Variants in PDE7B observed in about 807,000 individuals in gnomAD.
The protein encoded by PDE7B is phosphodiesterase 7B.
In PDE7B, 29 loss-of-function variants were observed where a neutral mutation model predicts 56.2. That is an observed-to-expected ratio of 0.52 (90% confidence interval 0.38 to 0.70). PDE7B has a LOEUF of 0.70. Ranked by LOEUF, PDE7B falls within the 30% of genes least tolerant of loss-of-function variation. The pLI is 0.00. For missense variants in PDE7B, 490 were observed against 565.0 expected, an observed-to-expected ratio of 0.87 and a Z score of 1.35; for synonymous variants, 197 against 196.9, an observed-to-expected ratio of 1.00 and a Z score of 0.00.
chr6:135,935,053 A>G (rs1357284453), intron 1 of PDE7B, among the ~76,000 whole-genome samples: 1 of 44,902 alleles, frequency 2.2e-5, no homozygotes, highest in Non-Finnish European at 3.6e-5. Context: ...TATTTTATAT[A>G]GAGATGAAGT....
intron 2 of PDE7B, among the ~76,000 whole-genome samples, chr6:135,970,636 G>T (rs1017361228): frequency 1.3e-5 from 2 of 152,172 alleles, no homozygotes; most frequent in South Asian, 2.1e-4. Context: ...CCATAATGGA[G>T]AGTTTAGATT....
chr6:136,147,621 A>C, intron 4 of PDE7B, 119 bp downstream of exon 4: 1 of 692,146 alleles, frequency 1.4e-6, no homozygotes, highest in Non-Finnish European at 2.5e-6. Flanking sequence ...CCCTGAGCTC[A>C]TTATTCCATA....
chr6:135,942,474 C>A (rs551783817), intron 1 of PDE7B, among the ~76,000 whole-genome samples: 49 of 152,252 alleles, frequency 3.2e-4, no homozygotes, highest in African/African-American at 1.2e-3. Flanking sequence ...CCTTACCTCA[C>A]ATACTTAATG....
At chr6:135,963,063 T>A (rs1242412285) in intron 2 of PDE7B, among the ~76,000 whole-genome samples, 1 of 152,154 alleles carries the variant, frequency 6.6e-6, no homozygotes, top group Non-Finnish European at 1.5e-5. Flanking sequence ...TATCAAGTAA[T>A]GTGGAACAAA....
chr6:136,099,624 T>G (rs192371443), intron 2 of PDE7B, among the ~76,000 whole-genome samples: 153 of 151,772 alleles, frequency 1.0e-3, no homozygotes, highest in Middle Eastern at 3.4e-3. Context: ...GATGGGGTTG[T>G]TTTTTTTCTT....
chr6:136,128,593 G>A (rs890845067), intron 3 of PDE7B, among the ~76,000 whole-genome samples: 2 of 152,128 alleles, frequency 1.3e-5, no homozygotes, highest in East Asian at 1.9e-4. Flanking sequence ...AGTGGATTAA[G>A]TTTTCCTTTG....
rs570461812 is a variant in PDE7B at position 136,147,976 on chromosome 6, A to C, written c.318+474A>C. On this transcript the variant is annotated intron_variant, in intron 4 of 12. Transcript: ENST00000308191. ...TCATAATTTTTAATTCATTTGAATAAATTTTAATAACTCTACAATTACTTT... is the reference window on the plus strand; with the variant it reads ...TCATAATTTTTAATTCATTTGAATACATTTTAATAACTCTACAATTACTTT... 8.5e-5 allele frequency among the ~76,000 whole-genome samples: 13 copies of C among 152,300 alleles called. No individual in the cohort carries two copies. In the East Asian group the frequency reaches 2.1e-3, roughly 25 times the overall value.
chr6:136,100,903 T>C (rs746586600), intron 2 of PDE7B, among the ~76,000 whole-genome samples: 36 of 152,230 alleles, frequency 2.4e-4, no homozygotes, highest in Non-Finnish European at 2.1e-4. Context: ...GGCTGAGGGA[T>C]TGTCATAAAC....
chr6:135,916,392 C>CTTTTTTTTTTTTTTTTTTTTTTTTT (rs566408380), intron 1 of PDE7B, among the ~76,000 whole-genome samples: 4 of 96,346 alleles, frequency 4.2e-5, no homozygotes, highest in Admixed American at 1.3e-4. Context: ...TCTTTTCTTT[C>CTTTTTTTTTTTTTTTTTTTTTTTTT]TTTTTTTTTT....
At position 136,168,584 on chromosome 6, in the gene PDE7B, G is replaced by A. The variant is rs73777456; in HGVS notation, c.712-5213G>A. Reference sequence around the variant, plus strand: ...GGTCACATTCTGGCAGCTGTAAGGAGGATGACTTGAAGAAAAACAATGAAA... The same window carrying A: ...GGTCACATTCTGGCAGCTGTAAGGAAGATGACTTGAAGAAAAACAATGAAA... On this transcript the variant is annotated intron_variant, in intron 8 of 12. Coordinates refer to ENST00000308191, the MANE Select transcript of PDE7B (RefSeq NM_018945.4). 5.8e-4 allele frequency among the ~76,000 whole-genome samples: 88 copies of A among 152,268 alleles called. 2 individuals are homozygous for A. The highest frequency in any genetic ancestry group is 1.9e-3 in the African/African-American group (78 of 41,562).
At chr6:135,883,541 A>G (rs1391963072) in intron 1 of PDE7B, among the ~76,000 whole-genome samples, 1 of 152,206 alleles carries the variant, frequency 6.6e-6, no homozygotes, top group Non-Finnish European at 1.5e-5. Flanking sequence ...TGAGTCTGCA[A>G]TAGACGGTGC....
intron 1 of PDE7B, among the ~76,000 whole-genome samples, chr6:135,892,892 T>A (rs1775833308): frequency 6.6e-6 from 1 of 152,200 alleles, no homozygotes; most frequent in African/African-American, 2.4e-5. Flanking sequence ...ATATGCTTTG[T>A]TTCCATGTTC....
chr6:135,854,042 T>TCACTGTCA, intron 1 of PDE7B, among the ~76,000 whole-genome samples: 1 of 152,208 alleles, frequency 6.6e-6, no homozygotes, highest in Non-Finnish European at 1.5e-5. Flanking sequence ...GAAGGACATT[T>TCACTGTCA]CAAACACTGA....
Position 135,911,264 on chromosome 6 carries a change from C to T in PDE7B, c.22-36200C>T, listed in dbSNP as rs138649315. Among the ~76,000 whole-genome samples the T allele has an allele frequency of 3.1e-3, 475 of 152,304 alleles. 1 individual carries two copies. The highest frequency in any genetic ancestry group is 7.8e-3 in the African/African-American group (323 of 41,570). The stretch of plus-strand genomic sequence containing the variant: ...ATCCATTAAATCTCCACACCCACAG[C>T]TGTTCAGGGAAAAATATAAGCAAAC... On this transcript the variant is annotated intron_variant, in intron 1 of 12. Coordinates refer to ENST00000308191, the MANE Select transcript of PDE7B (RefSeq NM_018945.4).
At chr6:136,009,104 G>T (rs1250678061) in intron 2 of PDE7B, among the ~76,000 whole-genome samples, 1,630 of 150,888 alleles carry the variant, frequency 0.011, 32 homozygotes, top group African/African-American at 0.038. Context: ...CCTTTCCCCA[G>T]TTCTTGTTTT....
In PDE7B at chr6:136,122,216, G is replaced by T. The variant is rs544993056; in HGVS notation, c.166+13402G>T. On this transcript the variant is annotated intron_variant, in intron 3 of 12. Coordinates refer to ENST00000308191, the MANE Select transcript of PDE7B (RefSeq NM_018945.4). The stretch of plus-strand genomic sequence containing the variant: ...TTCACCGTGTTAGCCAGGATGGTCT[G>T]GATCTCCTGACCCCATGATCCGCCT... Among the ~76,000 whole-genome samples the T allele has an allele frequency of 2.1e-4, 32 of 152,072 alleles. No individual in the cohort carries two copies. In the East Asian group the frequency reaches 3.9e-3, roughly 18 times the overall value.
At position 135,899,887 on chromosome 6, in the gene PDE7B, G is replaced by A. The variant is rs536610249; in HGVS notation, c.22-47577G>A. 1.4e-3 allele frequency among the ~76,000 whole-genome samples: 220 copies of A among 151,902 alleles called. 1 individual carries two copies. The highest frequency in any genetic ancestry group is 4.9e-3 in the African/African-American group (202 of 41,556). ...ATGGACGGCAACTGTCTGGATATAT[G>A]ATTTTTTGTTAACATCCTTTAATGT... On this transcript the variant is annotated intron_variant, in intron 1 of 12. Coordinates refer to ENST00000308191, the MANE Select transcript of PDE7B (RefSeq NM_018945.4).
At chr6:136,170,674 G>C (rs376288211) in intron 8 of PDE7B, among the ~76,000 whole-genome samples, 4 of 152,142 alleles carry the variant, frequency 2.6e-5, no homozygotes, top group East Asian at 1.9e-4. Flanking sequence ...TGGAAGCTAT[G>C]AAAGTCAAGA....
intron 2 of PDE7B, among the ~76,000 whole-genome samples, chr6:136,081,212 A>G (rs1777202438): frequency 1.3e-5 from 2 of 152,224 alleles, no homozygotes; most frequent in East Asian, 3.9e-4. Flanking sequence ...TGATTTTGGG[A>G]GATGGACTGA....
Sources: gnomAD v4.1 joint callset for allele counts (sites outside exome capture counted in the v4.1 genomes callset) on GRCh38, gnomAD v4.1.1 for gene constraint, MANE v1.5 for transcripts, NCBI Gene and HGNC (gene_info 2026-07-23, HGNC 2026-07-21) for gene names.